Variants in GPR137C observed in about 807,000 individuals in gnomAD.
GPR137C encodes the protein G protein-coupled receptor 137C.
A neutral mutation model predicts 43.4 loss-of-function variants in GPR137C; 27 were observed. The ratio of observed to expected loss-of-function variants is 0.62; its 90% CI spans 0.46 to 0.86. The LOEUF (loss-of-function observed/expected upper bound fraction) is 0.86. GPR137C is among the 40% of genes least tolerant of loss of function. The probability of loss-of-function intolerance (pLI) is 0.00; values close to 1 mark genes in which losing one functional copy is unlikely to be tolerated. For missense variants in GPR137C, 522 were observed against 534.6 expected (o/e 0.98, Z 0.23); for synonymous variants, 285 against 226.9 (o/e 1.26, Z -2.30).
chr14:52,592,710 G>A (rs1014764072), intron 1 of GPR137C, among the ~76,000 whole-genome samples: 2 of 151,994 alleles, frequency 1.3e-5, no homozygotes, highest in Non-Finnish European at 2.9e-5. Flanking sequence ...GAAGTTGCTT[G>A]TCAGCTTAAG....
At chr14:52,585,418 T>C (rs893248893) in intron 1 of GPR137C, among the ~76,000 whole-genome samples, 5 of 152,184 alleles carry the variant, frequency 3.3e-5, no homozygotes, top group South Asian at 2.1e-4. Flanking sequence ...CTCTCCACTC[T>C]CCATCTTCTA....
At chr14:52,585,941 A>T (rs2038707858) in intron 1 of GPR137C, among the ~76,000 whole-genome samples, 1 of 152,206 alleles carries the variant, frequency 6.6e-6, no homozygotes, top group South Asian at 2.1e-4. Flanking sequence ...TTTTGCTGTG[A>T]GTCTCAAAGC....
intron 3 of GPR137C, among the ~76,000 whole-genome samples, chr14:52,631,292 T>C (rs2039291025): frequency 6.6e-6 from 1 of 152,182 alleles, no homozygotes; most frequent in Non-Finnish European, 1.5e-5. Context: ...GCAAGTCATC[T>C]AGCATCCCTG....
rs777750722 is a variant in GPR137C at position 52,553,587 on chromosome 14, C to T, written c.440C>T (p.Ala147Val). 89 of 1,544,530 alleles carry T rather than the reference C, an allele frequency of 5.8e-5. No individual in the cohort carries two copies. Among genetic ancestry groups the T allele is most frequent in the Non-Finnish European group, 7.7e-5 (88 of 1,141,180 alleles). Residue 147 changes from alanine to valine, a missense_variant, in exon 1 of 7, where the codon GCG becomes GTG. Physicochemically the swap from Ala to Val is moderately conservative, Grantham distance 64 (BLOSUM62 0). Transcript: ENST00000321662. ...CTCTGTCTCCTCAACCTCTACCTGG[C>T]GGAGGTAAGGCGGGAGGGCCGGCAT... ...STLCLLNLYL[A>V]EVICKVRCAT...
chr14:52,571,666 C>T (rs745759506), intron 1 of GPR137C, among the ~76,000 whole-genome samples: 1 of 151,962 alleles, frequency 6.6e-6, no homozygotes, highest in Non-Finnish European at 1.5e-5. Flanking sequence ...GAGACTCCAT[C>T]TCAAAAATAT....
chr14:52,633,565 A>G lies in GPR137C; in HGVS notation c.903A>G (p.Ile301Met), dbSNP rs201989661. 3.1e-6 allele frequency: 5 copies of G among 1,612,066 alleles called. No individual in the cohort carries two copies. The African/African-American group carries it at 4.0e-5, about 13-fold the overall frequency. The change falls in exon 5 of 7, where the codon ATA (isoleucine) becomes ATG (methionine). Residue 301 changes from isoleucine to methionine, a missense_variant. Ile to Met is a conservative substitution (Grantham distance 10). Coordinates refer to ENST00000321662, the MANE Select transcript of GPR137C (RefSeq NM_001099652.2). ...AAGACATAAGTGGAGAAGAGTATATAGTATTTGGAATGGTCCTCTTTCTGT... is the reference window on the plus strand; with the variant it reads ...AAGACATAAGTGGAGAAGAGTATATGGTATTTGGAATGGTCCTCTTTCTGT... ...HVEDISGEEY[I>M]VFGMVLFLWE...
At chr14:52,582,592 G>C (rs777802847) in intron 1 of GPR137C, among the ~76,000 whole-genome samples, 7 of 152,150 alleles carry the variant, frequency 4.6e-5, no homozygotes, top group Non-Finnish European at 1.0e-4. Flanking sequence ...TAAGGAGTTC[G>C]AGACCAGCCT....
intron 1 of GPR137C, among the ~76,000 whole-genome samples, chr14:52,577,799 C>CA (rs564080315): frequency 0.33 from 34,555 of 104,062 alleles, 4,974 homozygotes; most frequent in African/African-American, 0.4. Flanking sequence ...ACCATCTCTA[C>CA]AAAAAAAAAA....
At chr14:52,574,496 A>G (rs2038521048) in intron 1 of GPR137C, among the ~76,000 whole-genome samples, 1 of 151,786 alleles carries the variant, frequency 6.6e-6, no homozygotes, top group Non-Finnish European at 1.5e-5. Flanking sequence ...ACATTCTCAT[A>G]GGTGGGAGTT....
At chr14:52,625,122 G>A (rs923723242) in intron 3 of GPR137C, among the ~76,000 whole-genome samples, 88 of 152,156 alleles carry the variant, frequency 5.8e-4, no homozygotes, top group African/African-American at 2.1e-3. Flanking sequence ...AGCTCCAGAT[G>A]ATTTCACTGG....
chr14:52,565,335 CTT>C (rs992270933), intron 1 of GPR137C, among the ~76,000 whole-genome samples: 2 of 152,112 alleles, frequency 1.3e-5, no homozygotes, highest in Non-Finnish European at 2.9e-5. Context: ...ATAATCCTGT[CTT>C]TATAATTTCC....
intron 3 of GPR137C, among the ~76,000 whole-genome samples, chr14:52,617,204 CAT>C (rs1358581577): frequency 6.6e-6 from 1 of 152,106 alleles, no homozygotes; most frequent in Non-Finnish European, 1.5e-5. Context: ...CACACACACA[CAT>C]ATATTTCCAT....
chr14:52,553,699 C>T (rs1310190363), intron 1 of GPR137C, 108 bp downstream of exon 1: 9 of 886,960 alleles, frequency 1.0e-5, no homozygotes, highest in Non-Finnish European at 1.5e-5. Context: ...GAGAGGCGGA[C>T]TGGAAACCAG....
intron 1 of GPR137C, among the ~76,000 whole-genome samples, chr14:52,576,726 C>A (rs1566607859): frequency 6.6e-6 from 1 of 152,126 alleles, no homozygotes; most frequent in African/African-American, 2.4e-5. Flanking sequence ...ACCCTACAAC[C>A]ACAGAATACA....
At chr14:52,555,491 A>C (rs958832588) in intron 1 of GPR137C, among the ~76,000 whole-genome samples, 2 of 152,178 alleles carry the variant, frequency 1.3e-5, no homozygotes, top group African/African-American at 2.4e-5. Context: ...GTGGGTAAAC[A>C]CTATCCAAAA....
At chr14:52,601,034 G>A (rs1314543001) in intron 3 of GPR137C, among the ~76,000 whole-genome samples, 5 of 152,056 alleles carry the variant, frequency 3.3e-5, no homozygotes, top group Non-Finnish European at 7.4e-5. Context: ...TTATACTTTG[G>A]ATCAACAAAC....
intron 3 of GPR137C, among the ~76,000 whole-genome samples, chr14:52,619,546 T>A (rs2039136122): frequency 6.6e-6 from 1 of 152,210 alleles, no homozygotes; most frequent in Admixed American, 6.5e-5. Context: ...GTTGCTGAGC[T>A]GACCCACCAC....
chr14:52,622,120 T>A (rs1010122596), intron 3 of GPR137C, among the ~76,000 whole-genome samples: 6 of 151,944 alleles, frequency 3.9e-5, no homozygotes, highest in Non-Finnish European at 7.4e-5. Flanking sequence ...ATGAAGAAAA[T>A]CCATCCTCAC....
intron 1 of GPR137C, among the ~76,000 whole-genome samples, chr14:52,589,310 G>A (rs919189572): frequency 8.5e-5 from 13 of 152,200 alleles, no homozygotes; most frequent in African/African-American, 3.1e-4. Flanking sequence ...ATGGATAAAG[G>A]TGATGGTTGC....
Sources: gnomAD v4.1 joint callset for allele counts (sites outside exome capture counted in the v4.1 genomes callset) on GRCh38, gnomAD v4.1.1 for gene constraint, MANE v1.5 for transcripts, NCBI Gene and HGNC (gene_info 2026-07-23, HGNC 2026-07-21) for gene names.